The following FREM2 variants were observed in gnomAD, a reference collection of about 807,000 sequenced individuals.
FREM2 encodes FRAS1 related extracellular matrix 2, also known as FRAS1-related extracellular matrix protein 2.
In FREM2, 119 loss-of-function variants were observed where a neutral mutation model predicts 219.9. The ratio of observed to expected loss-of-function variants is 0.54; its 90% confidence interval spans 0.47 to 0.63. The LOEUF (loss-of-function observed/expected upper bound fraction) is 0.63. FREM2 is among the 30% of genes least tolerant of loss of function. FREM2 has a pLI of 0.00. For missense variants in FREM2, 4,030 were observed against 3,993.6 expected (o/e 1.01, Z -0.25); for synonymous variants, 1,562 against 1,522.8 (o/e 1.03, Z -0.60).
chr13:38,728,679 TAGG>T (rs1357597579), intron 2 of FREM2, among the ~76,000 whole-genome samples: 1 of 105,994 alleles, frequency 9.4e-6, no homozygotes, highest in Non-Finnish European at 1.9e-5. Flanking sequence ...CCCAAAGTGC[TAGG>T]ATTATATGTG....
chr13:38,778,201 G>A (rs998758081), intron 4 of FREM2, among the ~76,000 whole-genome samples: 20 of 152,316 alleles, frequency 1.3e-4, no homozygotes, highest in Admixed American at 9.8e-4. Flanking sequence ...CCCTGTCTTA[G>A]TCAGCTCAGG....
At chr13:38,874,448 T>A (rs1161453768) in intron 17 of FREM2, 34 bp from the exon 18 acceptor site, 2 of 1,534,874 alleles carry the variant, frequency 1.3e-6, no homozygotes, top group South Asian at 2.2e-5. Context: ...TCTGGCTACA[T>A]ATATTTTCAT....
At chr13:38,758,030 C>G (rs1360380724) in intron 2 of FREM2, among the ~76,000 whole-genome samples, 1 of 152,116 alleles carries the variant, frequency 6.6e-6, no homozygotes, top group Non-Finnish European at 1.5e-5. Context: ...TTATCATAAG[C>G]AGCAATTCTT....
chr13:38,851,876 G>C lies in FREM2; in HGVS notation c.6925+8G>C. ...ACCACCCTGTGTCAGAAGGTATGGG[G>C]CTCCCAGGGCCTGTCTCCTGATGGA... On this transcript the variant is annotated splice_region_variant and intron_variant, in intron 11 of 23. Transcript: ENST00000280481. 1 of 1,612,352 alleles carries C rather than the reference G, an allele frequency of 6.2e-7. No homozygotes were observed. The highest frequency in any genetic ancestry group is 8.5e-7 in the Non-Finnish European group (1 of 1,178,750).
chr13:38,764,157 A>G, intron 2 of FREM2, 147 bp from the exon 3 acceptor site: 2 of 642,416 alleles, frequency 3.1e-6, no homozygotes, highest in South Asian at 1.9e-5. Context: ...TGTAAGCTGT[A>G]TCTCCATGTA....
At chr13:38,856,017 A>T in intron 11 of FREM2, 109 bp from the exon 12 acceptor site, 1 of 761,772 alleles carries the variant, frequency 1.3e-6, no homozygotes. Context: ...ACCACAGTGT[A>T]AAATGTATTT....
chr13:38,750,988 A>G (rs765974539), intron 2 of FREM2, among the ~76,000 whole-genome samples: 3 of 152,086 alleles, frequency 2.0e-5, no homozygotes, highest in Non-Finnish European at 4.4e-5. Context: ...GCTGCACTAC[A>G]CTTTACATTT....
intron 6 of FREM2, among the ~76,000 whole-genome samples, chr13:38,834,652 A>T (rs1487995503): frequency 6.6e-6 from 1 of 152,186 alleles, no homozygotes; most frequent in Non-Finnish European, 1.5e-5. Flanking sequence ...TCTAACTGGC[A>T]TGAAATGGTG....
In FREM2 at chr13:38,883,486, G is replaced by A. The variant is rs80124502; in HGVS notation, c.*2699G>A. ...ATCAAGGTCTTGTTGATATTATATA[G>A]TAAAAATAAAACCAAAAATAAATAT... On this transcript the variant is annotated 3_prime_UTR_variant, in exon 24 of 24. Transcript: ENST00000280481. The A allele has an allele frequency of 5.3e-5, 8 of 152,092 alleles. No individual in the cohort carries two copies. The highest frequency in any genetic ancestry group is 1.2e-4 in the Non-Finnish European group (8 of 68,020). The allele number at this position is 152,092 out of a possible 1,614,324, so 9.4% of individuals were successfully genotyped here.
chr13:38,723,515 G>C (rs1871381968), intron 2 of FREM2, among the ~76,000 whole-genome samples: 1 of 152,170 alleles, frequency 6.6e-6, no homozygotes, highest in African/African-American at 2.4e-5. Context: ...TTCTGGTTGA[G>C]ACATGTGTGG....
intron 15 of FREM2, among the ~76,000 whole-genome samples, chr13:38,864,019 G>A (rs1268161630): frequency 2.0e-5 from 3 of 151,950 alleles, no homozygotes; most frequent in Non-Finnish European, 2.9e-5. Context: ...GGTAGAGACA[G>A]GGTTTCATCA....
intron 2 of FREM2, among the ~76,000 whole-genome samples, chr13:38,738,730 A>C (rs1039753189): frequency 6.6e-6 from 1 of 152,132 alleles, no homozygotes; most frequent in African/African-American, 2.4e-5. Context: ...AGTCAGATGC[A>C]GAGTATGAGA....
At chr13:38,851,618 A>G in intron 10 of FREM2, 68 bp from the exon 11 acceptor site, 1 of 1,226,326 alleles carries the variant, frequency 8.2e-7, no homozygotes. Context: ...GGAAACAAAC[A>G]TTAGAAATGG....
At chr13:38,797,320 T>C (rs1874832224) in intron 6 of FREM2, among the ~76,000 whole-genome samples, 1 of 152,184 alleles carries the variant, frequency 6.6e-6, no homozygotes. Flanking sequence ...TGCTGTCTCA[T>C]TGTGATTCTG....
intron 6 of FREM2, among the ~76,000 whole-genome samples, chr13:38,813,512 CTCTCT>C (rs1875600444): frequency 9.0e-5 from 1 of 11,050 alleles, no homozygotes; most frequent in African/African-American, 2.8e-4. Flanking sequence ...CTCTCTCTCT[CTCTCT>C]CCTCTCTCTC....
rs562009130 is a variant in FREM2 at position 38,874,172 on chromosome 13, G to A, written c.8177-310G>A. 7.9e-5 allele frequency among the ~76,000 whole-genome samples: 12 copies of A among 152,174 alleles called. No individual in the cohort carries two copies. In the East Asian group the frequency reaches 2.1e-3, roughly 27 times the overall value. ...GAATCTCCATCATTTTGACAATTTTGTCATGCCTCTCAATTTACAGCTTCA... is the reference window on the plus strand; with the variant it reads ...GAATCTCCATCATTTTGACAATTTTATCATGCCTCTCAATTTACAGCTTCA... On this transcript the variant is annotated intron_variant, in intron 17 of 23. Coordinates refer to ENST00000280481, the MANE Select transcript of FREM2 (RefSeq NM_207361.6).
intron 6 of FREM2, among the ~76,000 whole-genome samples, chr13:38,789,633 C>G (rs1028141135): frequency 4.6e-5 from 7 of 150,994 alleles, no homozygotes; most frequent in Non-Finnish European, 8.9e-5. Flanking sequence ...GTTTTTGCCT[C>G]AGACTTACCT....
chr13:38,689,290 C>T lies in FREM2; in HGVS notation c.1946C>T (p.Thr649Ile). Reference sequence around the variant, plus strand: ...ACAGAGTGGCAGCAGCAGGACATAACAGAGGGCAGGCTGTTCTATAGACAC... The same window carrying T: ...ACAGAGTGGCAGCAGCAGGACATAATAGAGGGCAGGCTGTTCTATAGACAC... ...TVTEWQQQDI[T>I]EGRLFYRHSG... Residue 649 changes from threonine (T) to isoleucine (I), a missense_variant, in exon 1 of 24, where the codon ACA becomes ATA. Physicochemically the swap from Thr to Ile is moderately conservative, Grantham distance 89. This residue lies in a region of FREM2 where 3,102 missense variants were observed against 2,950.7 expected (regional missense o/e 1.05). Transcript: ENST00000280481. The T allele has an allele frequency of 6.2e-7, 1 of 1,614,086 alleles. No individual in the cohort carries two copies. Among genetic ancestry groups the T allele is most frequent in the Non-Finnish European group, 8.5e-7 (1 of 1,180,006 alleles).
rs73459856 is a variant in FREM2, at chr13:38,717,291, A to G, written c.5263+19504A>G. ...AACAGCTCTTTCCACATGGAAGTAT[A>G]TAGAAGAAGGTTAAAGTTGAGAATA... On this transcript the variant is annotated intron_variant, in intron 2 of 23. Coordinates refer to ENST00000280481, the MANE Select transcript of FREM2 (RefSeq NM_207361.6). 2.5e-3 allele frequency among the ~76,000 whole-genome samples: 388 copies of G among 152,234 alleles called. 3 individuals carry two copies. The highest frequency in any genetic ancestry group is 8.9e-3 in the African/African-American group (371 of 41,540).
Sources: allele counts gnomAD v4.1 joint callset (sites outside exome capture counted in the v4.1 genomes callset), GRCh38; gene constraint gnomAD v4.1.1; regional missense constraint gnomAD v4.1.1; transcripts MANE v1.5; gene names NCBI Gene and HGNC (gene_info 2026-07-23, HGNC 2026-07-21).